AGBL1: variants seen among roughly 807,000 people sequenced by gnomAD.
AGBL1 encodes AGBL carboxypeptidase 1, also known as cytosolic carboxypeptidase 4.
Under a neutral mutation model 118.9 loss-of-function variants are expected in AGBL1, and 130 were observed. The ratio of observed to expected loss-of-function variants is 1.09; its 90% confidence interval spans 0.95 to 1.26. The LOEUF (loss-of-function observed/expected upper bound fraction) is 1.26. Among genes scored for constraint, AGBL1 ranks in the 50% most tolerant of loss-of-function variants. The pLI, the probability that AGBL1 is intolerant of heterozygous loss-of-function variation, is 0.00. For synonymous variants in AGBL1, 555 were observed against 478.9 expected (o/e 1.16, Z -2.08); for missense variants, 1,584 against 1,298.1 (o/e 1.22, Z -3.38).
chr15:86,593,605 G>T (rs746137065), intron 21 of AGBL1, among the ~76,000 whole-genome samples: 1 of 152,032 alleles, frequency 6.6e-6, no homozygotes, highest in African/African-American at 2.4e-5. Context: ...TATCAACTTC[G>T]CTGGCATATA....
intron 9 of AGBL1, among the ~76,000 whole-genome samples, chr15:86,258,323 C>T (rs149696422): frequency 7.9e-5 from 12 of 152,288 alleles, no homozygotes; most frequent in South Asian, 2.1e-4. Flanking sequence ...ACATTTAACA[C>T]TTGGAGTTGG....
chr15:86,288,183 T>C (rs2079484714), intron 16 of AGBL1, among the ~76,000 whole-genome samples: 1 of 152,202 alleles, frequency 6.6e-6, no homozygotes, highest in Non-Finnish European at 1.5e-5. Context: ...TAAAGAATAC[T>C]GAGAGCAGCT....
chr15:86,603,168 C>T (rs1198435252), intron 21 of AGBL1, among the ~76,000 whole-genome samples: 1 of 152,146 alleles, frequency 6.6e-6, no homozygotes, highest in East Asian at 1.9e-4. Context: ...TTTCTTACCC[C>T]TCAACATTTA....
chr15:86,236,451 G>A (rs927152882), intron 6 of AGBL1, among the ~76,000 whole-genome samples: 1 of 151,890 alleles, frequency 6.6e-6, no homozygotes, highest in South Asian at 2.1e-4. Context: ...TCACATATGA[G>A]GCTATTGATT....
intron 22 of AGBL1, among the ~76,000 whole-genome samples, chr15:86,706,302 A>G (rs2076714588): frequency 6.6e-6 from 1 of 152,100 alleles, no homozygotes; most frequent in Non-Finnish European, 1.5e-5. Flanking sequence ...TTACAAAATG[A>G]TATAAGATTA....
rs571256611 is a variant in AGBL1, at chr15:86,914,556, G to A, written c.*7262G>A. The stretch of plus-strand genomic sequence containing the variant: ...ACAGTTACAGCTAACGTGGTAATTA[G>A]CAACACTTAGTATCTATAATAGTCT... On this transcript the variant is annotated 3_prime_UTR_variant, in exon 23 of 23. Coordinates refer to ENST00000614907, the MANE Select transcript of AGBL1 (RefSeq NM_001386094.1). 81 of 152,242 alleles carry A rather than the reference G, an allele frequency of 5.3e-4. No homozygotes were observed. Among genetic ancestry groups the A allele is most frequent in the African/African-American group, 1.8e-3 (75 of 41,536 alleles). 9.4% of individuals were successfully genotyped at this position (152,242 alleles called of 1,614,324 possible).
intron 17 of AGBL1, among the ~76,000 whole-genome samples, chr15:86,375,618 C>G (rs1319543027): frequency 6.6e-6 from 1 of 152,152 alleles, no homozygotes; most frequent in Admixed American, 6.5e-5. Flanking sequence ...TAATCCATCC[C>G]TAGTGTCTTT....
intron 24 of AGBL1, among the ~76,000 whole-genome samples, chr15:87,025,040 G>C (rs1384235422): frequency 1.3e-5 from 2 of 151,976 alleles, no homozygotes; most frequent in Non-Finnish European, 2.9e-5. Context: ...ATGGGGAAAA[G>C]TTGAAAGCAT....
chr15:86,494,014 C>A (rs4264364), intron 18 of AGBL1, among the ~76,000 whole-genome samples: 1 of 151,754 alleles, frequency 6.6e-6, no homozygotes, highest in African/African-American at 2.4e-5. Flanking sequence ...CTCTCCCTTT[C>A]GCAGGCATAC....
intron 17 of AGBL1, among the ~76,000 whole-genome samples, chr15:86,346,894 C>T (rs546276849): frequency 1.1e-4 from 16 of 152,336 alleles, no homozygotes; most frequent in African/African-American, 3.6e-4. Context: ...TGGGTCCAAG[C>T]ACTGGCTGTT....
chr15:86,741,225 G>A (rs1247196701), intron 22 of AGBL1, among the ~76,000 whole-genome samples: 1 of 151,370 alleles, frequency 6.6e-6, no homozygotes, highest in Non-Finnish European at 1.5e-5. Flanking sequence ...CTACAGGCAG[G>A]ACTGTTTATA....
rs1474657583 is a variant in AGBL1 at position 86,698,624 on chromosome 15, T to A, written c.3158+24188T>A. 3.3e-5 allele frequency among the ~76,000 whole-genome samples: 5 copies of A among 151,672 alleles called. No individual in the cohort carries two copies. In the South Asian group the frequency reaches 8.3e-4, roughly 25 times the overall value. The stretch of plus-strand genomic sequence containing the variant: ...TGCTGATCATTGTTTTTTTTTTTTT[T>A]TAAAAAGAGACCAACAGGATTTATG... On this transcript the variant is annotated intron_variant, in intron 22 of 22. Coordinates refer to ENST00000614907, the MANE Select transcript of AGBL1 (RefSeq NM_001386094.1).
chr15:86,348,775 CAAAA>C (rs2080579166), intron 17 of AGBL1, among the ~76,000 whole-genome samples: 1 of 62,088 alleles, frequency 1.6e-5, no homozygotes. Flanking sequence ...GCGACTGTCT[CAAAA>C]GAAAAAAAAA....
At chr15:87,029,292 T>C (rs1025364619), downstream of AGBL1, among the ~76,000 whole-genome samples, 1 of 151,864 alleles carries the variant, frequency 6.6e-6, no homozygotes, top group African/African-American at 2.4e-5. Context: ...CTTTATGTAA[T>C]ACTGAAACAA....
At chr15:86,960,610 A>C (rs2080983101) in intron 23 of AGBL1, among the ~76,000 whole-genome samples, 1 of 152,028 alleles carries the variant, frequency 6.6e-6, no homozygotes, top group African/African-American at 2.4e-5. Context: ...AAATCCTAAT[A>C]CTGGCTATAT....
intron 10 of AGBL1, among the ~76,000 whole-genome samples, chr15:86,263,304 C>T (rs1272864802): frequency 6.6e-6 from 1 of 152,190 alleles, no homozygotes; most frequent in Non-Finnish European, 1.5e-5. Context: ...ACATGCTGTA[C>T]AGGTTTGTAG....
chr15:86,208,355 G>T (rs1407959022), intron 5 of AGBL1, among the ~76,000 whole-genome samples: 1 of 152,062 alleles, frequency 6.6e-6, no homozygotes, highest in Non-Finnish European at 1.5e-5. Flanking sequence ...AGAGAGGATT[G>T]CCCCTTTTTC....
downstream of AGBL1, among the ~76,000 whole-genome samples, chr15:86,918,482 G>C (rs2080451472): frequency 6.6e-6 from 1 of 151,930 alleles, no homozygotes; most frequent in Non-Finnish European, 1.5e-5. Flanking sequence ...AATTAGAAAT[G>C]GATCCGTATC....
At chr15:86,166,123 C>A (rs1216100868) in intron 5 of AGBL1, among the ~76,000 whole-genome samples, 1 of 152,164 alleles carries the variant, frequency 6.6e-6, no homozygotes, top group Non-Finnish European at 1.5e-5. Flanking sequence ...GAGGCTGAAC[C>A]AAGCCTTCTA....
Sources: allele counts gnomAD v4.1 joint callset (sites outside exome capture counted in the v4.1 genomes callset), GRCh38; gene constraint gnomAD v4.1.1; transcripts MANE v1.5; gene names NCBI Gene and HGNC (gene_info 2026-07-23, HGNC 2026-07-21).